Variants in MAP2 observed in about 807,000 individuals in gnomAD.
MAP2 encodes microtubule-associated protein 2.
MAP2 carries 14 observed loss-of-function variants against 137.6 expected under a neutral mutation model. The observed-to-expected ratio is 0.10, with a 90% CI of 0.07 to 0.16. The LOEUF (loss-of-function observed/expected upper bound fraction) is 0.16, where lower values mean the gene tolerates loss of function less well. Among genes scored for constraint, MAP2 ranks in the 10% least tolerant of loss-of-function variants. The pLI is 1.00. For synonymous variants in MAP2, 786 were observed against 782.3 expected (o/e 1.00, Z -0.08); for missense variants, 2,088 against 2,191.5 (o/e 0.95, Z 0.94).
intron 2 of MAP2, among the ~76,000 whole-genome samples, chr2:209,573,445 C>T (rs1282838897): frequency 2.0e-5 from 3 of 151,672 alleles, no homozygotes; most frequent in Admixed American, 6.6e-5. Flanking sequence ...AGGTGTGAGC[C>T]ACCACACCCA....
intron 1 of MAP2, among the ~76,000 whole-genome samples, chr2:209,450,028 G>A (rs1229782329): frequency 2.0e-5 from 3 of 152,012 alleles, no homozygotes; most frequent in Non-Finnish European, 2.9e-5. Flanking sequence ...TGCAACCTCC[G>A]CCTCCCAGGT....
intron 3 of MAP2, among the ~76,000 whole-genome samples, chr2:209,615,240 T>C (rs1235775508): frequency 6.6e-6 from 1 of 152,196 alleles, no homozygotes; most frequent in African/African-American, 2.4e-5. Flanking sequence ...AATCTCTGTA[T>C]GTGGCTGCAG....
intron 12 of MAP2, among the ~76,000 whole-genome samples, chr2:209,708,120 T>C (rs1027793526): frequency 6.6e-6 from 1 of 152,150 alleles, no homozygotes; most frequent in Non-Finnish European, 1.5e-5. Flanking sequence ...AGAGAAAACA[T>C]TCAAGAAAGA....
At chr2:209,572,783 C>T (rs1202851444) in intron 2 of MAP2, among the ~76,000 whole-genome samples, 1 of 152,062 alleles carries the variant, frequency 6.6e-6, no homozygotes, top group East Asian at 1.9e-4. Context: ...AACTCAGCTT[C>T]GTTGATGGTG....
At chr2:209,482,254 T>G (rs569555731) in intron 1 of MAP2, among the ~76,000 whole-genome samples, 38 of 152,312 alleles carry the variant, frequency 2.5e-4, no homozygotes, top group Non-Finnish European at 5.1e-4. Flanking sequence ...TCATACAGTA[T>G]AGATATCCAA....
At position 209,653,239 on chromosome 2, in the gene MAP2, T is replaced by G. The variant is rs764190970; in HGVS notation, c.69T>G (p.Ser23=). Reference sequence around the variant, plus strand: ...CCTCAGCACCGCTAACAGAGGCATCTGCACACTCACATCCACCTGAGATTA... The same window carrying G: ...CCTCAGCACCGCTAACAGAGGCATCGGCACACTCACATCCACCTGAGATTA... ...HWTSAPLTEA[S]AHSHPPEIKD... is the part of the protein sequence containing the mutation. Residue 23 remains serine (S), a synonymous_variant, in exon 5 of 16, where the codon TCT becomes TCG. Transcript: ENST00000682079. 5 of 1,613,980 alleles carry G rather than the reference T, an allele frequency of 3.1e-6. No individual in the cohort carries two copies. Among genetic ancestry groups the G allele is most frequent in the Non-Finnish European group, 2.5e-6 (3 of 1,180,002 alleles).
Position 209,593,884 on chromosome 2 carries a change from TTTATATTATTA to T in MAP2, c.-107+13785_-107+13795del, listed in dbSNP as rs1464061019. Among the ~76,000 whole-genome samples the T allele has an allele frequency of 8.7e-4, 72 of 82,650 alleles. 1 individual carries two copies. In the South Asian group the frequency reaches 0.012, roughly 14 times the overall value. 54.2% of individuals were successfully genotyped at this position (82,650 alleles called of 152,430 possible). ...TATATATTTATATTATAAAAATATATTTATATTATTAAAATATATAAGTATATATTTATATT... is the reference window on the plus strand; with the variant it reads ...TATATATTTATATTATAAAAATATATAAATATATAAGTATATATTTATATT... On this transcript the variant is annotated intron_variant, in intron 3 of 15. Transcript: ENST00000682079.
chr2:209,532,069 T>G (rs1044902239), intron 2 of MAP2, among the ~76,000 whole-genome samples: 1 of 151,740 alleles, frequency 6.6e-6, no homozygotes, highest in Admixed American at 6.6e-5. Context: ...TGAGACCTCA[T>G]CTCTACAAAA....
intron 5 of MAP2, among the ~76,000 whole-genome samples, chr2:209,676,201 T>C (rs878856659): frequency 6.6e-6 from 1 of 152,004 alleles, no homozygotes; most frequent in Non-Finnish European, 1.5e-5. Flanking sequence ...TGGAATACTA[T>C]GCAGCCATAA....
chr2:209,431,655 A>G lies in MAP2; in HGVS notation c.-222+7379A>G, dbSNP rs531846976. ...GTAGGGGAAGCAGGCCTGAGACTCA[A>G]TAATTCAGGCTCAAACTCAGTGCTT... On this transcript the variant is annotated intron_variant, in intron 1 of 15. Transcript: ENST00000682079. Among the ~76,000 whole-genome samples the G allele has an allele frequency of 2.7e-4, 41 of 152,266 alleles. No homozygotes were observed. In the South Asian group the frequency reaches 5.4e-3, roughly 20 times the overall value.
At chr2:209,660,901 A>G (rs1292712473) in intron 5 of MAP2, among the ~76,000 whole-genome samples, 2 of 143,760 alleles carry the variant, frequency 1.4e-5, no homozygotes, top group Admixed American at 6.9e-5. Context: ...CGCCCGGCTA[A>G]TTTTTTGTAT....
chr2:209,458,735 C>T (rs1392834487), intron 1 of MAP2, among the ~76,000 whole-genome samples: 1 of 152,176 alleles, frequency 6.6e-6, no homozygotes, highest in Non-Finnish European at 1.5e-5. Context: ...CAGGCTGCCT[C>T]CTGCCCATCA....
At chr2:209,564,466 A>G (rs1370455833) in intron 2 of MAP2, among the ~76,000 whole-genome samples, 2 of 148,612 alleles carry the variant, frequency 1.3e-5, no homozygotes, top group African/African-American at 4.9e-5. Context: ...TAATGAATGC[A>G]TGTTGGACTG....
chr2:209,457,287 T>G (rs1044549011), intron 1 of MAP2, among the ~76,000 whole-genome samples: 1 of 152,194 alleles, frequency 6.6e-6, no homozygotes, highest in African/African-American at 2.4e-5. Context: ...TTTCACTGGG[T>G]CTGGCAAAAT....
chr2:209,610,350 G>T (rs1289316795), intron 3 of MAP2, among the ~76,000 whole-genome samples: 2 of 152,028 alleles, frequency 1.3e-5, no homozygotes, highest in Non-Finnish European at 2.9e-5. Flanking sequence ...CCAGGACAAG[G>T]GAAGGGTTTT....
At chr2:209,688,508 C>T (rs931074158) in intron 7 of MAP2, among the ~76,000 whole-genome samples, 5 of 152,044 alleles carry the variant, frequency 3.3e-5, no homozygotes, top group African/African-American at 1.2e-4. Context: ...CAATTTATTT[C>T]CCCATATCAT....
intron 1 of MAP2, among the ~76,000 whole-genome samples, chr2:209,461,958 C>T (rs1702923915): frequency 6.6e-6 from 1 of 152,008 alleles, no homozygotes. Context: ...TGGCAGAAAA[C>T]CTTCCCTGGC....
chr2:209,608,333 G>C (rs1303788580), intron 3 of MAP2, among the ~76,000 whole-genome samples: 1 of 151,756 alleles, frequency 6.6e-6, no homozygotes, highest in Non-Finnish European at 1.5e-5. Flanking sequence ...GTGTCACCCA[G>C]GCTAGTGTGC....
intron 2 of MAP2, among the ~76,000 whole-genome samples, chr2:209,568,391 A>C (rs865878948): frequency 6.6e-6 from 1 of 152,068 alleles, no homozygotes; most frequent in Middle Eastern, 3.4e-3. Flanking sequence ...GGAATATTAG[A>C]TACTGAAAAT....
Sources: allele counts gnomAD v4.1 joint callset (sites outside exome capture counted in the v4.1 genomes callset), GRCh38; gene constraint gnomAD v4.1.1; transcripts MANE v1.5; gene names NCBI Gene and HGNC (gene_info 2026-07-23, HGNC 2026-07-21).